Variants in DNAH6 observed in about 807,000 individuals in gnomAD.
The protein encoded by DNAH6 is dynein axonemal heavy chain 6, also known as axonemal beta dynein heavy chain 6.
Under a neutral mutation model 491.4 loss-of-function variants are expected in DNAH6, and 340 were observed. The observed-to-expected ratio is 0.69, with a 90% CI of 0.63 to 0.76. The LOEUF (loss-of-function observed/expected upper bound fraction) is 0.76, where lower values mean the gene tolerates loss of function less well. Among genes scored for constraint, DNAH6 ranks in the 30% least tolerant of loss-of-function variants. The pLI, the probability that DNAH6 is intolerant of heterozygous loss-of-function variation, is 0.00. For synonymous variants in DNAH6, 1,603 were observed against 1,686.1 expected (o/e 0.95, Z 1.21); for missense variants, 4,443 against 4,972.2 (o/e 0.89, Z 3.20).
rs562080249 is a variant in DNAH6, at chr2:84,678,940, G to A, written c.6744+1804G>A. Among the ~76,000 whole-genome samples, 33 of 152,130 alleles carry A rather than the reference G, an allele frequency of 2.2e-4. 1 individual carries two copies. Among genetic ancestry groups the A allele is most frequent in the Non-Finnish European group, 3.4e-4 (23 of 68,022 alleles). On this transcript the variant is annotated intron_variant, in intron 41 of 76. Coordinates refer to ENST00000389394, the MANE Select transcript of DNAH6 (RefSeq NM_001370.2). ...TTTTGCCTGTAGGAAAAAAGAACTT[G>A]CTCTAGGCCCATGGATCTCAAACTT...
chr2:84,695,923 GC>G (rs540130892), intron 46 of DNAH6, among the ~76,000 whole-genome samples: 2 of 151,938 alleles, frequency 1.3e-5, no homozygotes, highest in African/African-American at 2.4e-5. Flanking sequence ...TCTGTTGGAA[GC>G]CCCAATCAAT....
At chr2:84,650,591 A>C (rs1376136237) in intron 33 of DNAH6, among the ~76,000 whole-genome samples, 1 of 151,318 alleles carries the variant, frequency 6.6e-6, no homozygotes, top group East Asian at 1.9e-4. Context: ...TGACTGTTTT[A>C]AGATAATGAT....
intron 2 of DNAH6, among the ~76,000 whole-genome samples, chr2:84,524,988 T>C (rs1676478066): frequency 6.6e-6 from 1 of 152,280 alleles, no homozygotes; most frequent in South Asian, 2.1e-4. Flanking sequence ...CAAGCCTTTT[T>C]TTCTTATCCC....
At position 84,525,568 on chromosome 2, in the gene DNAH6, G is replaced by A. The variant is rs1367041731; in HGVS notation, c.229G>A (p.Val77Met). 4.5e-6 allele frequency: 7 copies of A among 1,540,108 alleles called. No homozygotes were observed. The highest frequency in any genetic ancestry group is 6.1e-6 in the Non-Finnish European group (7 of 1,143,760). ...QQPIKLEPLP[V>M]LKVYQDHKQP... ...CATGTCTCTCTATTTCCCAAAGCCA[G>A]TGCTAAAAGTCTACCAAGATCATAA... The change falls in exon 3 of 77, where the codon GTG becomes ATG. Residue 77 changes from valine (V) to methionine (M), a missense_variant. Coordinates refer to ENST00000389394, the MANE Select transcript of DNAH6 (RefSeq NM_001370.2).
chr2:84,689,180 C>T (rs1694600029), intron 45 of DNAH6, among the ~76,000 whole-genome samples: 1 of 152,208 alleles, frequency 6.6e-6, no homozygotes, highest in African/African-American at 2.4e-5. Context: ...CTTCTGGTAT[C>T]CATCCCATCC....
chr2:84,508,544 G>A, the DNAH6 span, among the ~76,000 whole-genome samples: 1 of 152,128 alleles, frequency 6.6e-6, no homozygotes, highest in Non-Finnish European at 1.5e-5. Context: ...ATTTTTTGAA[G>A]GGTTTTTATG....
chr2:84,814,619 C>T (rs749770866), intron 75 of DNAH6, among the ~76,000 whole-genome samples: 7 of 152,172 alleles, frequency 4.6e-5, no homozygotes, highest in Non-Finnish European at 8.8e-5. Context: ...AAGCCCCCAC[C>T]GGAGCTTTCC....
chr2:84,598,543 T>C (rs1437029218), intron 18 of DNAH6, among the ~76,000 whole-genome samples: 1 of 152,176 alleles, frequency 6.6e-6, no homozygotes, highest in African/African-American at 2.4e-5. Context: ...TTAGGTTGTA[T>C]AGTAAGCATA....
At chr2:84,792,663 A>G (rs1237591787) in intron 68 of DNAH6, among the ~76,000 whole-genome samples, 1 of 152,204 alleles carries the variant, frequency 6.6e-6, no homozygotes, top group Non-Finnish European at 1.5e-5. Flanking sequence ...TGTCTTCAAC[A>G]ACACTAAAAA....
chr2:84,669,218 G>A, intron 37 of DNAH6, 71 bp from the exon 38 acceptor site: 1 of 1,187,162 alleles, frequency 8.4e-7, no homozygotes, highest in South Asian at 1.3e-5. Flanking sequence ...TTTTCTATGT[G>A]AGTGTATCTA....
At chr2:84,784,511 C>T (rs1676991964) in intron 65 of DNAH6, among the ~76,000 whole-genome samples, 1 of 152,202 alleles carries the variant, frequency 6.6e-6, no homozygotes, top group Non-Finnish European at 1.5e-5. Context: ...TGCTTCTAGA[C>T]TGCCAAACCT....
chr2:84,601,026 T>TAAC (rs1176919328), intron 18 of DNAH6, among the ~76,000 whole-genome samples: 1 of 144,570 alleles, frequency 6.9e-6, no homozygotes, highest in African/African-American at 2.6e-5. Context: ...ATAATAATAA[T>TAAC]GTTATTATTA....
rs76858535 is a variant in DNAH6, at chr2:84,706,513, G to A, written c.8728-383G>A. Reference sequence around the variant, plus strand: ...ACAGGCAGCAGGCTAGATTTGACCTGCAGGCCATAGTGTGCCGACCTCTGA... The same window carrying A: ...ACAGGCAGCAGGCTAGATTTGACCTACAGGCCATAGTGTGCCGACCTCTGA... On this transcript the variant is annotated intron_variant, in intron 52 of 76. Transcript: ENST00000389394. Among the ~76,000 whole-genome samples the A allele has an allele frequency of 4.1e-3, 625 of 152,256 alleles. 2 individuals carry two copies. Among genetic ancestry groups the A allele is most frequent in the South Asian group, 7.7e-3 (37 of 4,820 alleles).
At chr2:84,586,749 C>CCA (rs959785449) in intron 15 of DNAH6, among the ~76,000 whole-genome samples, 16 of 152,130 alleles carry the variant, frequency 1.1e-4, no homozygotes, top group Admixed American at 9.8e-4. Context: ...AAGGGTCACG[C>CCA]AGTTACTAAA....
At chr2:84,818,484 C>A (rs1192354) in intron 76 of DNAH6, among the ~76,000 whole-genome samples, 12,194 of 64,336 alleles carry the variant, frequency 0.19, 933 homozygotes, top group Admixed American at 0.24. Context: ...GACCCTATCT[C>A]AAAAAAAAAA....
chr2:84,598,159 C>CTTTCTTTCTTTCTCTCTTTCT (rs1684842873), intron 18 of DNAH6, among the ~76,000 whole-genome samples: 2 of 71,204 alleles, frequency 2.8e-5, no homozygotes, highest in African/African-American at 6.7e-5. Context: ...TTCTTTCTTT[C>CTTTCTTTCTTTCTCTCTTTCT]TTTCTTTCTT....
upstream of DNAH6, among the ~76,000 whole-genome samples, chr2:84,512,784 T>C (rs902869527): frequency 3.9e-5 from 6 of 152,252 alleles, no homozygotes; most frequent in South Asian, 2.1e-4. Context: ...GTCTATTTTG[T>C]TTAATATTAG....
intron 8 of DNAH6, among the ~76,000 whole-genome samples, chr2:84,549,211 A>T (rs796911645): frequency 3.9e-5 from 6 of 152,324 alleles, no homozygotes; most frequent in African/African-American, 1.4e-4. Context: ...TTCAGTGCTC[A>T]CTGACTTAAT....
chr2:84,785,653 G>A lies in DNAH6; in HGVS notation c.10997G>A (p.Arg3666Gln), dbSNP rs200079931. ...AAAGGCTTACGTGCAAATATCAGACGAGCATTTACTGAAATGACACCTTCG... is the reference window on the plus strand; with the variant it reads ...AAAGGCTTACGTGCAAATATCAGACAAGCATTTACTGAAATGACACCTTCG... ...PPKGLRANIR[R>Q]AFTEMTPSFF... is the part of the protein sequence containing the mutation. Residue 3666 changes from arginine (R) to glutamine (Q), a missense_variant, in exon 67 of 77, where the codon CGA (arginine) becomes CAA (glutamine). Coordinates refer to ENST00000389394, the MANE Select transcript of DNAH6 (RefSeq NM_001370.2). 707 of 1,548,296 alleles carry A rather than the reference G, an allele frequency of 4.6e-4. 1 individual carries two copies. The highest frequency in any genetic ancestry group is 5.5e-4 in the Non-Finnish European group (625 of 1,145,872).
Sources: gnomAD v4.1 joint callset for allele counts (sites outside exome capture counted in the v4.1 genomes callset) on GRCh38, gnomAD v4.1.1 for gene constraint, MANE v1.5 for transcripts, NCBI Gene and HGNC (gene_info 2026-07-23, HGNC 2026-07-21) for gene names.